The following PAXIP1 variants were observed in gnomAD, a reference collection of about 807,000 sequenced individuals.
PAXIP1 encodes PAX interacting protein 1.
Under a neutral mutation model 140.6 loss-of-function variants are expected in PAXIP1, and 19 were observed. The ratio of observed to expected loss-of-function variants is 0.14; its 90% CI spans 0.09 to 0.20. PAXIP1 has a LOEUF of 0.20. PAXIP1 is among the 10% of genes least tolerant of loss of function. The probability of loss-of-function intolerance (pLI) is 1.00; values close to 1 mark genes in which losing one functional copy is unlikely to be tolerated. For missense variants in PAXIP1, 920 were observed against 1,208.6 expected (o/e 0.76, Z 3.54); for synonymous variants, 442 against 444.6 (o/e 0.99, Z 0.07).
intron 9 of PAXIP1, 138 bp from the exon 10 acceptor site, chr7:154,962,596 T>A: frequency 1.5e-6 from 1 of 665,778 alleles, no homozygotes; most frequent in Non-Finnish European, 2.5e-6. Flanking sequence ...AGCACTTGAT[T>A]AAAGTAACGA....
chr7:154,960,490 C>T (rs10224297), intron 12 of PAXIP1, among the ~76,000 whole-genome samples: 8,091 of 152,168 alleles, frequency 0.053, 536 homozygotes, highest in East Asian at 0.19. Flanking sequence ...AGCTTTCAAG[C>T]GCTCCTTCCA....
At position 154,954,155 on chromosome 7, in the gene PAXIP1, G is replaced by T; in HGVS notation, c.2821+100C>A. The T allele has an allele frequency of 1.2e-6, 1 of 853,336 alleles. No homozygotes were observed. The highest frequency in any genetic ancestry group is 1.7e-6 in the Non-Finnish European group (1 of 590,020). 52.9% of individuals were successfully genotyped at this position (853,336 alleles called of 1,614,324 possible). Reference sequence around the variant, plus strand: ...AATTTAAATGAATAACTATCACATAGTTTAAAAATTAAATATTTGTTGGGA... The same window carrying T: ...AATTTAAATGAATAACTATCACATATTTTAAAAATTAAATATTTGTTGGGA... On this transcript the variant is annotated intron_variant, in intron 16 of 20. Transcript: ENST00000404141. This position sits in a 1 kb window ranked among gnomAD's most constrained non-coding sequence, Gnocchi z 5.1.
At chr7:154,993,671 A>G (rs1229055943) in intron 3 of PAXIP1, 55 bp downstream of exon 3, 14 of 1,291,194 alleles carry the variant, frequency 1.1e-5, no homozygotes, top group Admixed American at 2.0e-5. Context: ...CATTTCTTTC[A>G]GTCTTAAACC....
intron 12 of PAXIP1, 114 bp from the exon 13 acceptor site, chr7:154,960,047 A>T: frequency 1.4e-6 from 1 of 715,956 alleles, no homozygotes; most frequent in Admixed American, 2.2e-5. Flanking sequence ...AGCTGACAAC[A>T]CTTAATAAGG....
chr7:155,003,315 C>G (rs1294659636), upstream of PAXIP1: 1 of 151,876 alleles, frequency 6.6e-6, no homozygotes, highest in African/African-American at 2.4e-5. Context: ...GAGGGGGCCC[C>G]GAGGACGAGG....
Position 154,955,592 on chromosome 7 carries a change from T to C in PAXIP1, c.2589A>G (p.Pro863=). The C allele has an allele frequency of 1.2e-6, 2 of 1,601,568 alleles. No individual in the cohort carries two copies. Among genetic ancestry groups the C allele is most frequent in the Non-Finnish European group, 1.7e-6 (2 of 1,175,748 alleles). ...TGAAAAGCACAAAAGGGGTCAATTC[T>C]GGAGTTAGCTTTTTAGTGGGAGGTG... ...DVPPPTKKLT[P]ELTPFVLFTG... Residue 863 remains proline, a synonymous_variant, in exon 15 of 21, where the codon CCA becomes CCG. Transcript: ENST00000404141.
At position 154,976,238 on chromosome 7, in the gene PAXIP1, C is replaced by T; in HGVS notation, c.532G>A (p.Glu178Lys). ...DCVSEKTKKD[E>K]AFYHPRLIIY... The stretch of plus-strand genomic sequence containing the variant: ...ATCAGACGAGGATGATAAAATGCTT[C>T]GTCCTTTTTGGTTTTCTCTGATACG... Residue 178 changes from glutamate (E) to lysine (K), a missense_variant, in exon 6 of 21, where the codon GAA (glutamate) becomes AAA (lysine). Transcript: ENST00000404141. 6.2e-7 allele frequency: 1 copy of T among 1,613,978 alleles called. No individual in the cohort carries two copies. The highest frequency in any genetic ancestry group is 8.5e-7 in the Non-Finnish European group (1 of 1,179,874).
In PAXIP1 at chr7:154,973,586, G is replaced by A. The variant is rs752795329; in HGVS notation, c.1074+2110C>T. On this transcript the variant is annotated intron_variant, in intron 6 of 20. Transcript: ENST00000404141. The surrounding 1 kb of genome is among the most constrained non-coding windows in gnomAD (Gnocchi z 4.0). ...ATCTTACTCTGGATGCCAGCCAACC[G>A]CTGTCATCATCCCAAGAACCGTGTA... Among the ~76,000 whole-genome samples the A allele has an allele frequency of 1.7e-4, 26 of 152,110 alleles. No homozygotes were observed. Among genetic ancestry groups the A allele is most frequent in the Admixed American group, 1.2e-3 (19 of 15,278 alleles).
At position 154,973,002 on chromosome 7, in the gene PAXIP1, G is replaced by A. The variant is rs1002312106; in HGVS notation, c.1074+2694C>T. Reference sequence around the variant, plus strand: ...AGGCTGTGCCCTGTGGCTTTATCCCGCCCACCTGCCTGGACGCGGATGTGC... The same window carrying A: ...AGGCTGTGCCCTGTGGCTTTATCCCACCCACCTGCCTGGACGCGGATGTGC... On this transcript the variant is annotated intron_variant, in intron 6 of 20. Transcript: ENST00000404141. This position sits in a 1 kb window ranked among gnomAD's most constrained non-coding sequence, Gnocchi z 4.0. Among the ~76,000 whole-genome samples, 9 of 152,124 alleles carry A rather than the reference G, an allele frequency of 5.9e-5. No individual in the cohort carries two copies. Among genetic ancestry groups the A allele is most frequent in the African/African-American group, 1.2e-4 (5 of 41,418 alleles).
chr7:154,999,760 T>C (rs904542355), intron 1 of PAXIP1, among the ~76,000 whole-genome samples: 7 of 152,126 alleles, frequency 4.6e-5, no homozygotes, highest in Non-Finnish European at 4.4e-5. Flanking sequence ...AGGCATCCAG[T>C]TGCAGCTAGG....
At chr7:154,994,039 G>A (rs1810466496) in intron 2 of PAXIP1, among the ~76,000 whole-genome samples, 1 of 151,880 alleles carries the variant, frequency 6.6e-6, no homozygotes, top group African/African-American at 2.4e-5. Flanking sequence ...ACTTATTACT[G>A]CTGACCCCCA....
Position 154,983,298 on chromosome 7 carries a change from A to G in PAXIP1, c.359T>C (p.Leu120Ser). ...GCAATCTCCCCCATAGAACGTAACCAAAGCCCACAGGGCACTTCTGTCTTC... is the reference window on the plus strand; with the variant it reads ...GCAATCTCCCCCATAGAACGTAACCGAAGCCCACAGGGCACTTCTGTCTTC... ...SSEDRSALWA[L>S]VTFYGGDCQL... The change falls in exon 5 of 21, where the codon TTG (leucine) becomes TCG (serine). Residue 120 changes from leucine (L) to serine (S), a missense_variant. Transcript: ENST00000404141. 6.2e-7 allele frequency: 1 copy of G among 1,611,432 alleles called. No homozygotes were observed. The highest frequency in any genetic ancestry group is 8.5e-7 in the Non-Finnish European group (1 of 1,178,050).
At chr7:154,959,009 G>C (rs890403140) in intron 13 of PAXIP1, among the ~76,000 whole-genome samples, 4 of 152,200 alleles carry the variant, frequency 2.6e-5, no homozygotes, top group African/African-American at 9.7e-5. Flanking sequence ...ACAAGACTGT[G>C]GCTTGGAGGG....
In PAXIP1 at chr7:154,961,074, T is replaced by C. The variant is rs1211105338; in HGVS notation, c.2253A>G (p.Pro751=). 1 of 1,551,702 alleles carries C rather than the reference T, an allele frequency of 6.4e-7. No individual in the cohort carries two copies. The highest frequency in any genetic ancestry group is 1.4e-5 in the African/African-American group (1 of 72,532). Residue 751 remains proline (P), a synonymous_variant, in exon 12 of 21, where the codon CCA becomes CCG. Coordinates refer to ENST00000404141, the MANE Select transcript of PAXIP1 (RefSeq NM_007349.4). ...RSNTVLICKE[P]TGLKYEKAKE... ...TGGCTTTTTCATACTTTAAACCAGT[T>C]GGTCTTTTTATTTTTTGAGGAGAAA...
At chr7:154,993,868 C>A (rs1267880241) in intron 2 of PAXIP1, 99 bp from the exon 3 acceptor site, 2 of 856,354 alleles carry the variant, frequency 2.3e-6, no homozygotes, top group East Asian at 2.7e-5. Flanking sequence ...TCTGTTACAA[C>A]CTATTTTAAA....
chr7:154,991,130 C>T, intron 3 of PAXIP1, 61 bp from the exon 4 acceptor site: 1 of 801,650 alleles, frequency 1.2e-6, no homozygotes, highest in South Asian at 1.7e-5. Context: ...ACTTCACTAA[C>T]AGACATTACC....
At chr7:154,990,721 CTG>C (rs1161772761) in intron 4 of PAXIP1, among the ~76,000 whole-genome samples, 2 of 152,122 alleles carry the variant, frequency 1.3e-5, no homozygotes, top group African/African-American at 4.8e-5. Context: ...GTATTTCTAA[CTG>C]AATTTTCCTT....
chr7:154,989,001 T>C (rs1461661371), intron 4 of PAXIP1, among the ~76,000 whole-genome samples: 1 of 152,180 alleles, frequency 6.6e-6, no homozygotes, highest in Non-Finnish European at 1.5e-5. Context: ...TAGCCAACTT[T>C]AAAGATCATT....
chr7:154,962,287 A>G lies in PAXIP1; in HGVS notation c.2127+34T>C, dbSNP rs760849650. 19 of 1,607,500 alleles carry G rather than the reference A, an allele frequency of 1.2e-5. 2 individuals carry two copies. The South Asian group carries it at 2.0e-4, about 17-fold the overall frequency. On this transcript the variant is annotated intron_variant, in intron 10 of 20. Coordinates refer to ENST00000404141, the MANE Select transcript of PAXIP1 (RefSeq NM_007349.4). ...GATTATTCGCCAAAGTCGAAGGATG[A>G]TTTAACAAATGGAACGCGAGGACTC... is the stretch of plus-strand genomic sequence containing the variant.
Sources: allele counts gnomAD v4.1 joint callset (sites outside exome capture counted in the v4.1 genomes callset), GRCh38; gene constraint gnomAD v4.1.1; non-coding constraint Gnocchi (gnomAD v3.1); transcripts MANE v1.5; gene names NCBI Gene and HGNC (gene_info 2026-07-23, HGNC 2026-07-21).